The following LRRTM2 variants were observed in gnomAD, a reference collection of about 807,000 sequenced individuals.
LRRTM2 encodes leucine-rich repeat transmembrane neuronal protein 2.
LRRTM2 carries 14 observed loss-of-function variants against 40.7 expected under a neutral mutation model. The ratio of observed to expected loss-of-function variants is 0.34; its 90% CI spans 0.23 to 0.54. The LOEUF (loss-of-function observed/expected upper bound fraction) is 0.54, where lower values mean the gene tolerates loss of function less well. Among genes scored for constraint, LRRTM2 ranks in the 20% least tolerant of loss-of-function variants. LRRTM2 has a pLI of 0.92. For missense variants in LRRTM2, 468 were observed against 624.4 expected (o/e 0.75, Z 2.67); for synonymous variants, 223 against 237.6 (o/e 0.94, Z 0.57).
rs771697605 is a variant in LRRTM2, at chr5:138,873,969, G to A, written c.592C>T (p.Arg198Cys). 5 of 1,613,958 alleles carry A rather than the reference G, an allele frequency of 3.1e-6. No homozygotes were observed. ...LSTNRLRSLA[R>C]NGFAGLIKLR... ...TTAATTAATCCTGCAAATCCATTGC[G>A]AGCCAAACTTCGCAAACGATTTGTG... The change falls in exon 2 of 2, where the codon CGC (arginine) becomes TGC (cysteine). Residue 198 changes from arginine to cysteine, a missense_variant. Arg to Cys is a radical substitution (Grantham distance 180). Coordinates refer to ENST00000274711, the MANE Select transcript of LRRTM2 (RefSeq NM_015564.3). This position sits in a 1 kb window ranked among gnomAD's most constrained non-coding sequence, Gnocchi z 6.1.
rs1364272358 is a variant in LRRTM2, at chr5:138,869,357, CCTTA to C, written c.*3649_*3652del. On this transcript the variant is annotated 3_prime_UTR_variant, in exon 2 of 2. Coordinates refer to ENST00000274711, the MANE Select transcript of LRRTM2 (RefSeq NM_015564.3). ...GAAATATTTAATTATCTATAGATGG[CCTTA>C]CTGTCTCTCTCTCTTTTTTTTTTTT... The C allele has an allele frequency of 2.0e-5, 3 of 150,534 alleles. No homozygotes were observed. The highest frequency in any genetic ancestry group is 6.6e-5 in the Admixed American group (1 of 15,086). 9.3% of individuals were successfully genotyped at this position (150,534 alleles called of 1,614,324 possible).
At position 138,874,036 on chromosome 5, in the gene LRRTM2, G is replaced by T; in HGVS notation, c.525C>A (p.Arg175=). 2 of 1,613,966 alleles carry T rather than the reference G, an allele frequency of 1.2e-6. No homozygotes were observed. Among genetic ancestry groups the T allele is most frequent in the Non-Finnish European group, 1.7e-6 (2 of 1,179,880 alleles). Reference sequence around the variant, plus strand: ...CCAGACTACGACAGTCCCAGAACAGGCGTACTGGGATAGTCCGCAGGGAGT... The same window carrying T: ...CCAGACTACGACAGTCCCAGAACAGTCGTACTGGGATAGTCCGCAGGGAGT... ...RSNSLRTIPV[R]LFWDCRSLEF... is the part of the protein sequence containing the mutation. Residue 175 remains arginine, a synonymous_variant, in exon 2 of 2, where the codon CGC becomes CGA. Coordinates refer to ENST00000274711, the MANE Select transcript of LRRTM2 (RefSeq NM_015564.3). The surrounding 1 kb of genome is among the most constrained non-coding windows in gnomAD (Gnocchi z 4.1).
At position 138,873,736 on chromosome 5, in the gene LRRTM2, C is replaced by A; in HGVS notation, c.825G>T (p.Thr275=). The A allele has an allele frequency of 6.2e-7, 1 of 1,614,004 alleles. No individual in the cohort carries two copies. The highest frequency in any genetic ancestry group is 1.3e-5 in the African/African-American group (1 of 75,050). ...IKAIDLTVFE[T]MPNLKILLMD... ...TGAGGAGTATTTTAAGATTGGGCATCGTTTCAAACACTGTCAAGTCGATGG... is the reference window on the plus strand; with the variant it reads ...TGAGGAGTATTTTAAGATTGGGCATAGTTTCAAACACTGTCAAGTCGATGG... The change falls in exon 2 of 2, where the codon ACG becomes ACT. Residue 275 remains threonine (T), a synonymous_variant. Coordinates refer to ENST00000274711, the MANE Select transcript of LRRTM2 (RefSeq NM_015564.3). This position sits in a 1 kb window ranked among gnomAD's most constrained non-coding sequence, Gnocchi z 6.1.
In LRRTM2 at chr5:138,875,113, G is replaced by C. The variant is rs1751201371; in HGVS notation, c.-202C>G. The C allele has an allele frequency of 2.1e-5, 11 of 531,690 alleles. 1 individual carries two copies. In the South Asian group the frequency reaches 2.3e-4, roughly 11 times the overall value. 32.9% of individuals were successfully genotyped at this position (531,690 alleles called of 1,614,324 possible). On this transcript the variant is annotated 5_prime_UTR_variant, in exon 1 of 2. Transcript: ENST00000274711. ...CTGGAAAGCATTGGTTTCATTTTCT[G>C]TGATTGCTCTGATCCCTAAATCAGT... is the stretch of plus-strand genomic sequence containing the variant.
At position 138,873,094 on chromosome 5, in the gene LRRTM2, G is replaced by A; in HGVS notation, c.1467C>T (p.Pro489=). 6.2e-7 allele frequency: 1 copy of A among 1,613,852 alleles called. No individual in the cohort carries two copies. The highest frequency in any genetic ancestry group is 1.3e-5 in the African/African-American group (1 of 75,022). ...TGATGATGAAGGGTCCTTCATGGGTGGGTTCATATTCATTATACGGTCCTT... is the reference window on the plus strand; with the variant it reads ...TGATGATGAAGGGTCCTTCATGGGTAGGTTCATATTCATTATACGGTCCTT... ...SDQGPYNEYE[P]THEGPFIIIN... Residue 489 remains proline, a synonymous_variant, in exon 2 of 2, where the codon CCC becomes CCT. Coordinates refer to ENST00000274711, the MANE Select transcript of LRRTM2 (RefSeq NM_015564.3). This position sits in a 1 kb window ranked among gnomAD's most constrained non-coding sequence, Gnocchi z 6.1.
rs1199609187 is a variant in LRRTM2, at chr5:138,874,329, T to C, written c.232A>G (p.Arg78Gly). Residue 78 changes from arginine to glycine, a missense_variant, in exon 2 of 2, where the codon AGA becomes GGA. By Grantham distance (125) the Arg-to-Gly change is moderately radical (BLOSUM62 -2). Transcript: ENST00000274711. The surrounding 1 kb of genome is among the most constrained non-coding windows in gnomAD (Gnocchi z 4.1). ...LRHNHITELE[R>G]DQFASFSQLT... ...TGACTGAAGCTGGCAAATTGATCTC[T>C]TTCGAGCTCTGTGATGTGATTGTGC... is the stretch of plus-strand genomic sequence containing the variant. 4 of 1,613,942 alleles carry C rather than the reference T, an allele frequency of 2.5e-6. No individual in the cohort carries two copies. The highest frequency in any genetic ancestry group is 1.1e-5 in the South Asian group (1 of 91,084).
In LRRTM2 at chr5:138,873,087, C is replaced by T; in HGVS notation, c.1474G>A (p.Glu492Lys). Residue 492 changes from glutamate to lysine, a missense_variant, in exon 2 of 2, where the codon GAA becomes AAA. Glu to Lys is a moderately conservative substitution (Grantham distance 56). Coordinates refer to ENST00000274711, the MANE Select transcript of LRRTM2 (RefSeq NM_015564.3). The surrounding 1 kb of genome is among the most constrained non-coding windows in gnomAD (Gnocchi z 6.1). ...CCATTAATGATGATGAAGGGTCCTT[C>T]ATGGGTGGGTTCATATTCATTATAC... The part of the protein sequence containing the change: ...GPYNEYEPTH[E>K]GPFIIINGYG... 1 of 1,613,926 alleles carries T rather than the reference C, an allele frequency of 6.2e-7. No homozygotes were observed. The highest frequency in any genetic ancestry group is 8.5e-7 in the Non-Finnish European group (1 of 1,179,858).
At position 138,874,082 on chromosome 5, in the gene LRRTM2, T is replaced by C; in HGVS notation, c.479A>G (p.Gln160Arg). The C allele has an allele frequency of 1.2e-6, 2 of 1,613,926 alleles. No homozygotes were observed. Among genetic ancestry groups the C allele is most frequent in the Non-Finnish European group, 1.7e-6 (2 of 1,179,816 alleles). The change falls in exon 2 of 2, where the codon CAG (glutamine) becomes CGG (arginine). Residue 160 changes from glutamine (Q) to arginine (R), a missense_variant. Gln to Arg is a conservative substitution (Grantham distance 43, BLOSUM62 1). Coordinates refer to ENST00000274711, the MANE Select transcript of LRRTM2 (RefSeq NM_015564.3). This position sits in a 1 kb window ranked among gnomAD's most constrained non-coding sequence, Gnocchi z 4.1. ...GGAGTTGGAACGTAAATGCAAGGTC[T>C]GCAGCTTCCGAAGGCCATAGAAGAG... ...PELFYGLRKL[Q>R]TLHLRSNSLR...
At position 138,874,510 on chromosome 5, in the gene LRRTM2, T is replaced by C; in HGVS notation, c.51A>G (p.Ile17Met). The C allele has an allele frequency of 6.2e-7, 1 of 1,601,174 alleles. No individual in the cohort carries two copies. The highest frequency in any genetic ancestry group is 8.5e-7 in the Non-Finnish European group (1 of 1,172,088). ...TTTTTAAAACCATACTCATTGCATA[T>C]ATTGCTGCCAGCATAGGGGCCCCTA... ...WPLGAPMLAA[I>M]YAMSMVLKML... is the part of the protein sequence containing the mutation. Residue 17 changes from isoleucine (I) to methionine (M), a missense_variant, in exon 2 of 2, where the codon ATA (isoleucine) becomes ATG (methionine). Ile to Met is a conservative substitution (Grantham distance 10, BLOSUM62 1). Coordinates refer to ENST00000274711, the MANE Select transcript of LRRTM2 (RefSeq NM_015564.3). The surrounding 1 kb of genome is among the most constrained non-coding windows in gnomAD (Gnocchi z 4.1).
rs1211370406 is a variant in LRRTM2 at position 138,869,580 on chromosome 5, CCT to C, written c.*3428_*3429del. 6.6e-6 allele frequency: 1 copy of C among 152,042 alleles called. No individual in the cohort carries two copies. The highest frequency in any genetic ancestry group is 2.4e-5 in the African/African-American group (1 of 41,370). 9.4% of individuals were successfully genotyped at this position (152,042 alleles called of 1,614,324 possible). A position where few individuals can be genotyped will look rare whatever the true frequency, so the allele number is the denominator to read the frequency against. ...GAACAGGACATTTATAGCTTTTTCC[CCT>C]GATAGCTGTGTGTAGGAAGTGTGCC... On this transcript the variant is annotated 3_prime_UTR_variant, in exon 2 of 2. Transcript: ENST00000274711.
rs1025598985 is a variant in LRRTM2 at position 138,872,447 on chromosome 5, G to A, written c.*563C>T. ...ACTTTGATAATATCTACTAACCCAG[G>A]CAGAAACTCTGGAAGGAGAATGTTT... On this transcript the variant is annotated 3_prime_UTR_variant, in exon 2 of 2. Transcript: ENST00000274711. 6.6e-6 allele frequency: 1 copy of A among 152,406 alleles called. No homozygotes were observed. The highest frequency in any genetic ancestry group is 2.4e-5 in the African/African-American group (1 of 41,436). The allele number at this position is 152,406 out of a possible 1,614,324, so 9.4% of individuals were successfully genotyped here.
rs1416201215 is a variant in LRRTM2, at chr5:138,869,485, C to T, written c.*3525G>A. ...TCGCTGTATTCCTGTATTAGGAAAACGATCATGTAAGTCAGCTGTTAAAAA... is the reference window on the plus strand; with the variant it reads ...TCGCTGTATTCCTGTATTAGGAAAATGATCATGTAAGTCAGCTGTTAAAAA... On this transcript the variant is annotated 3_prime_UTR_variant, in exon 2 of 2. Coordinates refer to ENST00000274711, the MANE Select transcript of LRRTM2 (RefSeq NM_015564.3). The T allele has an allele frequency of 1.3e-5, 2 of 151,396 alleles. No individual in the cohort carries two copies. The highest frequency in any genetic ancestry group is 2.9e-5 in the Non-Finnish European group (2 of 67,940). 9.4% of individuals were successfully genotyped at this position (151,396 alleles called of 1,614,324 possible).
rs772401780 is a variant in LRRTM2 at position 138,874,432 on chromosome 5, C to T, written c.129G>A (p.Leu43=). The change falls in exon 2 of 2, where the codon CTG becomes CTA. Residue 43 remains leucine (L), a synonymous_variant. Transcript: ENST00000274711. The surrounding 1 kb of genome is among the most constrained non-coding windows in gnomAD (Gnocchi z 4.1). ...AGCCCTGAGAGTCGCAGTAGAAGAGCAGCTTCTCGCAGCGGCATTTGGGTG... is the reference window on the plus strand; with the variant it reads ...AGCCCTGAGAGTCGCAGTAGAAGAGTAGCTTCTCGCAGCGGCATTTGGGTG... The part of the protein sequence containing the change: ...ACPPKCRCEK[L]LFYCDSQGFH... The T allele has an allele frequency of 3.1e-6, 5 of 1,613,832 alleles. No homozygotes were observed. The highest frequency in any genetic ancestry group is 4.2e-6 in the Non-Finnish European group (5 of 1,179,832).
rs946773722 is a variant in LRRTM2, at chr5:138,875,137, G to C, written c.-226C>G. Reference sequence around the variant, plus strand: ...TGTGATTGCTCTGATCCCTAAATCAGTTTTGAATATAAGTTATTAAATTTC... The same window carrying C: ...TGTGATTGCTCTGATCCCTAAATCACTTTTGAATATAAGTTATTAAATTTC... On this transcript the variant is annotated 5_prime_UTR_variant, in exon 1 of 2. Coordinates refer to ENST00000274711, the MANE Select transcript of LRRTM2 (RefSeq NM_015564.3). 4.2e-6 allele frequency: 2 copies of C among 475,140 alleles called. No individual in the cohort carries two copies. Among genetic ancestry groups the C allele is most frequent in the African/African-American group, 4.0e-5 (2 of 49,816 alleles). 29.4% of individuals were successfully genotyped at this position (475,140 alleles called of 1,614,324 possible).
chr5:138,873,352 T>C lies in LRRTM2; in HGVS notation c.1209A>G (p.Ile403Met). ...GAAAGTGTTCCTCGGTAGTAACTGC[T>C]ATGCCTGCAGTAGTTGGGATTTCTT... ...GDKEIPTTAG[I>M]AVTTEEHFPE... Residue 403 changes from isoleucine to methionine, a missense_variant, in exon 2 of 2, where the codon ATA becomes ATG. By Grantham distance (10) the Ile-to-Met change is conservative (BLOSUM62 1). Transcript: ENST00000274711. This position sits in a 1 kb window ranked among gnomAD's most constrained non-coding sequence, Gnocchi z 6.1. 6.2e-7 allele frequency: 1 copy of C among 1,613,854 alleles called. No individual in the cohort carries two copies. The highest frequency in any genetic ancestry group is 2.2e-5 in the East Asian group (1 of 44,894).
chr5:138,875,035 C>G lies in LRRTM2; in HGVS notation c.-124G>C. 1.0e-6 allele frequency: 1 copy of G among 952,884 alleles called. No individual in the cohort carries two copies. Among genetic ancestry groups the G allele is most frequent in the East Asian group, 2.4e-5 (1 of 41,010 alleles). The allele number at this position is 952,884 out of a possible 1,614,324, so 59.0% of individuals were successfully genotyped here. ...TCCTGTTTTCTGTGTCCCAGGCTTTCCAAGTAAAATTGAATCCACCAGGAC... is the reference window on the plus strand; with the variant it reads ...TCCTGTTTTCTGTGTCCCAGGCTTTGCAAGTAAAATTGAATCCACCAGGAC... On this transcript the variant is annotated 5_prime_UTR_variant, in exon 1 of 2. Transcript: ENST00000274711.
At position 138,874,459 on chromosome 5, in the gene LRRTM2, A is replaced by G; in HGVS notation, c.102T>C (p.Cys34=). 6.2e-7 allele frequency: 1 copy of G among 1,613,622 alleles called. No individual in the cohort carries two copies. Among genetic ancestry groups the G allele is most frequent in the Non-Finnish European group, 8.5e-7 (1 of 1,179,742 alleles). Residue 34 remains cysteine (C), a synonymous_variant, in exon 2 of 2, where the codon TGT becomes TGC. Coordinates refer to ENST00000274711, the MANE Select transcript of LRRTM2 (RefSeq NM_015564.3). This position sits in a 1 kb window ranked among gnomAD's most constrained non-coding sequence, Gnocchi z 4.1. ...GCTTCTCGCAGCGGCATTTGGGTGGACACGCCATACCCAGGGCAGGCAGCA... is the reference window on the plus strand; with the variant it reads ...GCTTCTCGCAGCGGCATTTGGGTGGGCACGCCATACCCAGGGCAGGCAGCA... The part of the protein sequence containing the change: ...LKMLPALGMA[C]PPKCRCEKLL...
At position 138,872,054 on chromosome 5, in the gene LRRTM2, G is replaced by GTGTA. The variant is rs1750706765; in HGVS notation, c.*955_*956insTACA. On this transcript the variant is annotated 3_prime_UTR_variant, in exon 2 of 2. Transcript: ENST00000274711. ...TGTGTGTGTGTGTGTGTGTGTGTGT[G>GTGTA]TGTGTGTGTGTGTGCGCTTTTAAAT... 7.2e-6 allele frequency: 1 copy of GTGTA among 138,840 alleles called. No individual in the cohort carries two copies. Among genetic ancestry groups the GTGTA allele is most frequent in the Non-Finnish European group, 1.6e-5 (1 of 63,730 alleles). 8.6% of individuals were successfully genotyped at this position (138,840 alleles called of 1,614,324 possible).
Position 138,873,128 on chromosome 5 carries a change from A to C in LRRTM2, c.1433T>G (p.Met478Arg). 6.2e-7 allele frequency: 1 copy of C among 1,613,974 alleles called. No homozygotes were observed. The highest frequency in any genetic ancestry group is 1.3e-5 in the African/African-American group (1 of 75,038). Residue 478 changes from methionine to arginine, a missense_variant, in exon 2 of 2, where the codon ATG becomes AGG. Coordinates refer to ENST00000274711, the MANE Select transcript of LRRTM2 (RefSeq NM_015564.3). This position sits in a 1 kb window ranked among gnomAD's most constrained non-coding sequence, Gnocchi z 6.1. ...TTCATTATACGGTCCTTGGTCTGAC[A>C]TGTTTGACATATGGAGTCGTGTTTG... is the stretch of plus-strand genomic sequence containing the variant. Reference protein sequence around the residue: ...RSQTRLHMSNMSDQGPYNEYE... With the variant: ...RSQTRLHMSNRSDQGPYNEYE...
Sources: gnomAD v4.1 joint callset for allele counts on GRCh38, gnomAD v4.1.1 for gene constraint, Gnocchi (gnomAD v3.1) non-coding constraint, MANE v1.5 for transcripts, NCBI Gene and HGNC (gene_info 2026-07-23, HGNC 2026-07-21) for gene names.